The following PTK7 variants were observed in gnomAD, a reference collection of about 807,000 sequenced individuals.
PTK7 encodes the protein inactive tyrosine-protein kinase 7.
PTK7 carries 39 observed loss-of-function variants against 116.6 expected under a neutral mutation model. The ratio of observed to expected loss-of-function variants is 0.33; its 90% CI spans 0.26 to 0.44. The LOEUF (loss-of-function observed/expected upper bound fraction) is 0.44, where lower values mean the gene tolerates loss of function less well. Ranked by LOEUF, PTK7 falls within the 20% of genes least tolerant of loss-of-function variation. The pLI, the probability that PTK7 is intolerant of heterozygous loss-of-function variation, is 1.00. For synonymous variants in PTK7, 546 were observed against 563.6 expected (o/e 0.97, Z 0.44); for missense variants, 1,169 against 1,425.6 (o/e 0.82, Z 2.90).
At chr6:43,091,889 G>C (rs1766973034) in intron 1 of PTK7, among the ~76,000 whole-genome samples, 1 of 152,086 alleles carries the variant, frequency 6.6e-6, no homozygotes, top group Non-Finnish European at 1.5e-5. Context: ...TTGAGATGGA[G>C]TCCTGCTCTG....
At chr6:43,121,195 T>C (rs886107863) in intron 1 of PTK7, among the ~76,000 whole-genome samples, 2 of 151,996 alleles carry the variant, frequency 1.3e-5, no homozygotes, top group African/African-American at 4.8e-5. Context: ...TGTCTCTCCA[T>C]GCTTGGATAC....
chr6:43,155,277 C>T (rs1771357380), intron 17 of PTK7, among the ~76,000 whole-genome samples: 1 of 152,120 alleles, frequency 6.6e-6, no homozygotes, highest in Non-Finnish European at 1.5e-5. Flanking sequence ...CCTACCCCAC[C>T]CTCTTGAGTA....
In PTK7 at chr6:43,129,691, C is replaced by A. The variant is rs776489420; in HGVS notation, c.368-36C>A. 1.0e-5 allele frequency: 16 copies of A among 1,590,184 alleles called. No homozygotes were observed. Among genetic ancestry groups the A allele is most frequent in the Non-Finnish European group, 1.3e-5 (15 of 1,158,606 alleles). On this transcript the variant is annotated intron_variant, in intron 2 of 19. Coordinates refer to ENST00000230419, the MANE Select transcript of PTK7 (RefSeq NM_002821.5). The surrounding 1 kb of genome is among the most constrained non-coding windows in gnomAD (Gnocchi z 4.5). The stretch of plus-strand genomic sequence containing the variant: ...CCTCTGCCTTCCCGCCTTTGCCCTG[C>A]TCTGCCCCTCACTGCAACCGTGGCC...
chr6:43,080,072 G>A (rs1460380133), intron 1 of PTK7, among the ~76,000 whole-genome samples: 2 of 149,650 alleles, frequency 1.3e-5, no homozygotes, highest in Admixed American at 6.6e-5. Context: ...AAAAAAAAGG[G>A]CAGGATGCAG....
chr6:43,143,366 G>A lies in PTK7; in HGVS notation c.2048-51G>A. ...TTGGGAGGAGTTAGTAGAGAAGCAGGGCTTCTTTTGCTTAGCAGCCCCTGC... is the reference window on the plus strand; with the variant it reads ...TTGGGAGGAGTTAGTAGAGAAGCAGAGCTTCTTTTGCTTAGCAGCCCCTGC... On this transcript the variant is annotated intron_variant, in intron 13 of 19. Transcript: ENST00000230419. This position sits in a 1 kb window ranked among gnomAD's most constrained non-coding sequence, Gnocchi z 4.2. 2 of 1,562,504 alleles carry A rather than the reference G, an allele frequency of 1.3e-6. No homozygotes were observed. Among genetic ancestry groups the A allele is most frequent in the Non-Finnish European group, 8.7e-7 (1 of 1,143,708 alleles).
At chr6:43,158,574 C>T (rs1771653571) in intron 17 of PTK7, among the ~76,000 whole-genome samples, 1 of 152,214 alleles carries the variant, frequency 6.6e-6, no homozygotes, top group African/African-American at 2.4e-5. Flanking sequence ...CTTAATCTGG[C>T]ACTTGCTGTG....
intron 1 of PTK7, among the ~76,000 whole-genome samples, chr6:43,098,008 T>C (rs1582083998): frequency 6.6e-6 from 1 of 152,168 alleles, no homozygotes; most frequent in African/African-American, 2.4e-5. Context: ...CAGAATTCAG[T>C]TGAACTTTTC....
intron 7 of PTK7, among the ~76,000 whole-genome samples, chr6:43,135,001 G>C (rs570503749): frequency 6.6e-6 from 1 of 152,194 alleles, no homozygotes; most frequent in South Asian, 2.1e-4. Flanking sequence ...AAAAAATGCA[G>C]AATTCGGGGC....
At chr6:43,122,478 G>A (rs1769018885) in intron 1 of PTK7, among the ~76,000 whole-genome samples, 3 of 152,156 alleles carry the variant, frequency 2.0e-5, no homozygotes, top group South Asian at 4.1e-4. Context: ...TGGGAAGCTG[G>A]CAAACCTCTC....
chr6:43,107,112 G>A (rs1413556922), intron 1 of PTK7, among the ~76,000 whole-genome samples: 2 of 150,910 alleles, frequency 1.3e-5, no homozygotes, highest in African/African-American at 2.4e-5. Flanking sequence ...TAGTAGAGGC[G>A]GATTTTCACC....
At chr6:43,106,050 A>G (rs1459902819) in intron 1 of PTK7, among the ~76,000 whole-genome samples, 1 of 151,840 alleles carries the variant, frequency 6.6e-6, no homozygotes, top group East Asian at 1.9e-4. Context: ...TACCCTAGCA[A>G]CCACCTCCTT....
intron 1 of PTK7, among the ~76,000 whole-genome samples, chr6:43,095,335 G>A (rs1767189129): frequency 6.6e-6 from 1 of 152,086 alleles, no homozygotes. Context: ...TTGTGCCATT[G>A]CACTCCAGCC....
intron 1 of PTK7, among the ~76,000 whole-genome samples, chr6:43,093,799 T>G (rs1201336176): frequency 3.9e-5 from 6 of 152,052 alleles, no homozygotes; most frequent in Non-Finnish European, 8.8e-5. Context: ...AAGGCAGGGA[T>G]TTATTGAAAA....
At chr6:43,104,989 T>A (rs1767789015) in intron 1 of PTK7, among the ~76,000 whole-genome samples, 1 of 151,810 alleles carries the variant, frequency 6.6e-6, no homozygotes, top group Admixed American at 6.6e-5. Flanking sequence ...ATTTTTGTAT[T>A]TTTAGTAGAG....
chr6:43,147,415 G>C (rs1770789361), intron 17 of PTK7, among the ~76,000 whole-genome samples: 1 of 152,180 alleles, frequency 6.6e-6, no homozygotes, highest in African/African-American at 2.4e-5. Context: ...CCTTCCCTCA[G>C]GTTCTTCTTG....
chr6:43,095,093 C>T (rs1767168731), intron 1 of PTK7, among the ~76,000 whole-genome samples: 1 of 147,484 alleles, frequency 6.8e-6, no homozygotes, highest in Non-Finnish European at 1.5e-5. Flanking sequence ...GGCGCAGTGG[C>T]TCACGCCTGT....
At chr6:43,106,763 A>G (rs2150397270) in intron 1 of PTK7, among the ~76,000 whole-genome samples, 1 of 144,286 alleles carries the variant, frequency 6.9e-6, no homozygotes, top group Non-Finnish European at 1.5e-5. Flanking sequence ...CTGGGATTAC[A>G]GGCGTGACAC....
Position 43,076,396 on chromosome 6 carries a change from G to C in PTK7, c.-93G>C. ...GGCTGCGGCTGCTGCTGCGGCGCCC[G>C]CGCTCCGGTGCGCTCCGCCTCCTGT... On this transcript the variant is annotated 5_prime_UTR_variant, in exon 1 of 20. Transcript: ENST00000230419. This position sits in a 1 kb window ranked among gnomAD's most constrained non-coding sequence, Gnocchi z 5.7. The C allele has an allele frequency of 9.8e-7, 1 of 1,017,480 alleles. No individual in the cohort carries two copies. The highest frequency in any genetic ancestry group is 1.3e-6 in the Non-Finnish European group (1 of 776,740). 63.0% of individuals were successfully genotyped at this position (1,017,480 alleles called of 1,614,324 possible).
rs530133718 is a variant in PTK7 at position 43,077,199 on chromosome 6, C to T, written c.79+632C>T. Among the ~76,000 whole-genome samples, 3 of 152,330 alleles carry T rather than the reference C, an allele frequency of 2.0e-5. No individual in the cohort carries two copies. In the South Asian group the frequency reaches 6.2e-4, roughly 32 times the overall value. On this transcript the variant is annotated intron_variant, in intron 1 of 19. Transcript: ENST00000230419. ...TGGCCTCTAGCTACTGGTCTGGAAC[C>T]CTGCGCCCACTCCGTGCCAGGGCCG... is the stretch of plus-strand genomic sequence containing the variant.
Sources: allele counts gnomAD v4.1 joint callset (sites outside exome capture counted in the v4.1 genomes callset), GRCh38; gene constraint gnomAD v4.1.1; non-coding constraint Gnocchi (gnomAD v3.1); transcripts MANE v1.5; gene names NCBI Gene and HGNC (gene_info 2026-07-23, HGNC 2026-07-21).